The following CTNNA1 variants were observed in gnomAD, a reference collection of about 807,000 sequenced individuals.
The protein encoded by CTNNA1 is catenin alpha-1.
In CTNNA1, 37 loss-of-function variants were observed where a neutral mutation model predicts 98.4. That is an observed-to-expected ratio of 0.38 (90% CI 0.29 to 0.49). The LOEUF (loss-of-function observed/expected upper bound fraction) is 0.49, where lower values mean the gene tolerates loss of function less well. Among genes scored for constraint, CTNNA1 ranks in the 20% least tolerant of loss-of-function variants. The pLI is 0.95. For synonymous variants in CTNNA1, 404 were observed against 413.2 expected, an observed-to-expected ratio of 0.98 and a Z score of 0.27; for missense variants, 761 against 1,147.2, an observed-to-expected ratio of 0.66 and a Z score of 4.86.
chr5:138,808,335 C>G (rs1049984052), intron 3 of CTNNA1, among the ~76,000 whole-genome samples: 1 of 152,014 alleles, frequency 6.6e-6, no homozygotes, highest in African/African-American at 2.4e-5. Flanking sequence ...ATTTGTTGAA[C>G]AAATAAAAGA....
chr5:138,764,707 G>A (rs1752722744), intron 1 of CTNNA1, among the ~76,000 whole-genome samples: 3 of 151,920 alleles, frequency 2.0e-5, no homozygotes, highest in Non-Finnish European at 1.5e-5. Context: ...CTGACCTCAG[G>A]TGATCCGCCC....
At chr5:138,802,872 A>C (rs1484545312) in intron 3 of CTNNA1, among the ~76,000 whole-genome samples, 1 of 151,992 alleles carries the variant, frequency 6.6e-6, no homozygotes, top group Admixed American at 6.6e-5. Context: ...GTCCCAGCTC[A>C]CTGTAGCCTT....
At chr5:138,900,730 A>G (rs560319871) in intron 9 of CTNNA1, among the ~76,000 whole-genome samples, 71 of 152,314 alleles carry the variant, frequency 4.7e-4, no homozygotes, top group Admixed American at 1.0e-3. Context: ...CAGATGTCTA[A>G]TCTGTTGATC....
intron 13 of CTNNA1, among the ~76,000 whole-genome samples, chr5:138,927,347 C>T (rs923605212): frequency 1.3e-5 from 2 of 152,224 alleles, no homozygotes; most frequent in African/African-American, 2.4e-5. Context: ...CTCTTGTACT[C>T]ATGGGGTTCC....
chr5:138,934,191 C>A lies in CTNNA1; in HGVS notation c.*102C>A. 1.2e-6 allele frequency: 1 copy of A among 862,662 alleles called. No individual in the cohort carries two copies. The highest frequency in any genetic ancestry group is 2.6e-5 in the East Asian group (1 of 38,792). The allele number at this position is 862,662 out of a possible 1,614,324, so 53.4% of individuals were successfully genotyped here. On this transcript the variant is annotated 3_prime_UTR_variant, in exon 18 of 18. Transcript: ENST00000302763. ...TAAATACAACACTGATACTAGATTC[C>A]ACAGGGAAATGGGCAGACTGAACCA...
Position 138,873,384 on chromosome 5 carries a change from C to T in CTNNA1, c.1063-12828C>T, listed in dbSNP as rs1750883157. 1 of 1,613,906 alleles carries T rather than the reference C, an allele frequency of 6.2e-7. No individual in the cohort carries two copies. The highest frequency in any genetic ancestry group is 1.7e-5 in the Admixed American group (1 of 60,000). On this transcript the variant is annotated intron_variant, in intron 7 of 17. Coordinates refer to ENST00000302763, the MANE Select transcript of CTNNA1 (RefSeq NM_001903.5). The surrounding 1 kb of genome is among the most constrained non-coding windows in gnomAD (Gnocchi z 6.1). ...GCAGTAGTTGGGATTTCTTTGTCTC[C>T]CACATGGTAACTTGATGAGCTTATT...
At chr5:138,822,943 G>A (rs1392937493) in intron 5 of CTNNA1, among the ~76,000 whole-genome samples, 2 of 152,192 alleles carry the variant, frequency 1.3e-5, no homozygotes, top group African/African-American at 2.4e-5. Flanking sequence ...AAATAGCTAA[G>A]TCAGATGGCT....
Position 138,929,257 on chromosome 5 carries a change from G to A in CTNNA1, c.1911G>A (p.Glu637=), listed in dbSNP as rs768709854. 5.0e-6 allele frequency: 8 copies of A among 1,593,528 alleles called. No homozygotes were observed. In the African/African-American group the frequency reaches 9.4e-5, roughly 19 times the overall value. ...TGTCTGGGTGGCAGACCCCTGAGGA[G>A]TTGGATGACTCTGACTTTGAGACAG... ...KAVLMIRTPE[E]LDDSDFETED... The change falls in exon 14 of 18, where the codon GAG becomes GAA. Residue 637 remains glutamate (E), a synonymous_variant. Coordinates refer to ENST00000302763, the MANE Select transcript of CTNNA1 (RefSeq NM_001903.5).
chr5:138,775,409 C>T (rs1355830429), intron 1 of CTNNA1, among the ~76,000 whole-genome samples: 1 of 152,180 alleles, frequency 6.6e-6, no homozygotes, highest in Admixed American at 6.5e-5. Flanking sequence ...TGAATGTAGA[C>T]AGCAAATTCA....
intron 1 of CTNNA1, among the ~76,000 whole-genome samples, chr5:138,773,802 CT>C (rs1356209511): frequency 2.0e-5 from 3 of 151,596 alleles, no homozygotes; most frequent in Non-Finnish European, 4.4e-5. Context: ...CCTCCACCTT[CT>C]TTGGCTGAAG....
chr5:138,892,950 AGG>A (rs1398481471), intron 9 of CTNNA1, among the ~76,000 whole-genome samples: 4 of 152,134 alleles, frequency 2.6e-5, no homozygotes, highest in African/African-American at 9.6e-5. Context: ...CGGGAGGCGG[AGG>A]TTGCAGTAAG....
intron 3 of CTNNA1, among the ~76,000 whole-genome samples, chr5:138,803,370 G>T (rs1757769106): frequency 6.6e-6 from 1 of 152,070 alleles, no homozygotes; most frequent in Admixed American, 6.6e-5. Context: ...TACGTAGGCT[G>T]GTCTTGAACT....
At chr5:138,869,585 T>G (rs1765150143) in intron 7 of CTNNA1, 1 of 152,252 alleles carries the variant, frequency 6.6e-6, no homozygotes, top group East Asian at 1.9e-4. Context: ...TTTCCCCTGA[T>G]AGCTGTGTGT....
At chr5:138,776,120 C>T (rs375040724) in intron 1 of CTNNA1, among the ~76,000 whole-genome samples, 86 of 135,170 alleles carry the variant, frequency 6.4e-4, no homozygotes, top group Non-Finnish European at 7.7e-4. Context: ...CACAGGACAA[C>T]AGTGGAGGGA....
intron 3 of CTNNA1, among the ~76,000 whole-genome samples, chr5:138,794,807 T>C (rs1756756471): frequency 6.6e-6 from 1 of 152,218 alleles, no homozygotes; most frequent in Non-Finnish European, 1.5e-5. Context: ...GATAATTTTG[T>C]GAAGTCTTGG....
At chr5:138,895,705 T>C (rs1756635775) in intron 9 of CTNNA1, among the ~76,000 whole-genome samples, 1 of 152,094 alleles carries the variant, frequency 6.6e-6, no homozygotes, top group African/African-American at 2.4e-5. Context: ...GATTATCTTG[T>C]ACTAAATACG....
chr5:138,917,988 TG>T lies in CTNNA1; in HGVS notation c.1546+92del, dbSNP rs1219909252. 6 of 1,287,744 alleles carry T rather than the reference TG, an allele frequency of 4.7e-6. No homozygotes were observed. The African/African-American group carries it at 8.9e-5, about 19-fold the overall frequency. The allele number at this position is 1,287,744 out of a possible 1,614,324, so 79.8% of individuals were successfully genotyped here. ...TTAATGGGCAAACACTGCTATGTCT[TG>T]GCAGGTAAATTATTCTAACAATAAT... On this transcript the variant is annotated intron_variant, in intron 11 of 17. Coordinates refer to ENST00000302763, the MANE Select transcript of CTNNA1 (RefSeq NM_001903.5).
chr5:138,801,464 A>G (rs1348043970), intron 3 of CTNNA1, among the ~76,000 whole-genome samples: 2 of 152,192 alleles, frequency 1.3e-5, no homozygotes, highest in Non-Finnish European at 2.9e-5. Context: ...TCTCTGAAAC[A>G]ATTTTCAATA....
intron 6 of CTNNA1, 78 bp from the exon 7 acceptor site, chr5:138,827,437 A>T: frequency 6.7e-7 from 1 of 1,492,956 alleles, no homozygotes; most frequent in South Asian, 1.2e-5. Context: ...TCTTGATATT[A>T]CTAATAACAC....
Sources: gnomAD v4.1 joint callset for allele counts (sites outside exome capture counted in the v4.1 genomes callset) on GRCh38, gnomAD v4.1.1 for gene constraint, Gnocchi (gnomAD v3.1) non-coding constraint, MANE v1.5 for transcripts, NCBI Gene and HGNC (gene_info 2026-07-23, HGNC 2026-07-21) for gene names.